BTBD8: variants seen among roughly 807,000 people sequenced by gnomAD.
BTBD8 encodes the protein BTB domain containing 8.
A neutral mutation model predicts 162.9 loss-of-function variants in BTBD8; 110 were observed. The ratio of observed to expected loss-of-function variants is 0.68; its 90% CI spans 0.58 to 0.79. The LOEUF is 0.79. BTBD8 is among the 30% of genes least tolerant of loss of function. BTBD8 has a pLI of 0.00. For synonymous variants in BTBD8, 667 were observed against 716.1 expected (o/e 0.93, Z 1.10); for missense variants, 1,905 against 2,085.4 (o/e 0.91, Z 1.68).
intron 9 of BTBD8, among the ~76,000 whole-genome samples, chr1:92,163,211 C>T (rs946104368): frequency 1.1e-4 from 16 of 151,412 alleles, no homozygotes; most frequent in South Asian, 8.4e-4. Context: ...AAAAATTATC[C>T]GGGTGTGGTG....
chr1:92,157,689 G>A (rs1216395973), intron 9 of BTBD8, among the ~76,000 whole-genome samples: 2 of 151,738 alleles, frequency 1.3e-5, no homozygotes, highest in African/African-American at 4.8e-5. Flanking sequence ...GTAGGGATAG[G>A]GTCTTGCTGT....
At chr1:92,166,094 A>G (rs1400548722) in intron 9 of BTBD8, among the ~76,000 whole-genome samples, 1 of 152,152 alleles carries the variant, frequency 6.6e-6, no homozygotes, top group East Asian at 1.9e-4. Flanking sequence ...TCCATTTTCC[A>G]TAGAGATCAA....
intron 4 of BTBD8, among the ~76,000 whole-genome samples, chr1:92,118,094 T>C (rs749034372): frequency 2.0e-5 from 3 of 151,952 alleles, no homozygotes; most frequent in Non-Finnish European, 4.4e-5. Flanking sequence ...TAACATCTTA[T>C]AGTACATTTG....
intron 4 of BTBD8, among the ~76,000 whole-genome samples, chr1:92,111,351 C>T (rs373734835): frequency 9.9e-5 from 15 of 152,106 alleles, no homozygotes; most frequent in African/African-American, 3.6e-4. Flanking sequence ...TCCAGAATAC[C>T]TTTCTTATCA....
intron 2 of BTBD8, 63 bp from the exon 3 acceptor site, chr1:92,102,410 G>A: frequency 8.5e-7 from 1 of 1,172,012 alleles, no homozygotes; most frequent in Non-Finnish European, 1.1e-6. Flanking sequence ...AAGGAAACTA[G>A]CATTCTTTCT....
In BTBD8 at chr1:92,181,411, A is replaced by C. The variant is rs992824783; in HGVS notation, c.3728A>C (p.His1243Pro). The C allele has an allele frequency of 2.6e-6, 4 of 1,551,584 alleles. No individual in the cohort carries two copies. In the African/African-American group the frequency reaches 5.5e-5, roughly 21 times the overall value. The change falls in exon 17 of 18, where the codon CAT becomes CCT. Residue 1243 changes from histidine to proline, a missense_variant. Physicochemically the swap from His to Pro is moderately conservative, Grantham distance 77 (BLOSUM62 -2). Coordinates refer to ENST00000636805, the MANE Select transcript of BTBD8 (RefSeq NM_001376131.1). ...TGGAATTTGAGTACTGGTGTTCTGC[A>C]TCAGCGAGAGAGTCCTGAATCTGAC... ...GHWNLSTGVL[H>P]QRESPESDTG...
chr1:92,158,196 C>A (rs1650204241), intron 9 of BTBD8, among the ~76,000 whole-genome samples: 1 of 152,048 alleles, frequency 6.6e-6, no homozygotes, highest in South Asian at 2.1e-4. Context: ...CTTAGCTACT[C>A]TGTCTTTTGA....
intron 9 of BTBD8, among the ~76,000 whole-genome samples, chr1:92,165,602 G>A (rs369440532): frequency 2.0e-5 from 3 of 152,162 alleles, no homozygotes; most frequent in East Asian, 3.9e-4. Context: ...CTATTGCTGT[G>A]TAACAAACCA....
chr1:92,136,137 T>TTTAA (rs944626762), intron 5 of BTBD8, among the ~76,000 whole-genome samples: 1 of 152,188 alleles, frequency 6.6e-6, no homozygotes, highest in Non-Finnish European at 1.5e-5. Flanking sequence ...TAAATATTTA[T>TTTAA]TTAATTAATG....
chr1:92,124,216 T>C (rs116208970), intron 4 of BTBD8, among the ~76,000 whole-genome samples: 7 of 152,386 alleles, frequency 4.6e-5, no homozygotes, highest in Non-Finnish European at 8.8e-5. Flanking sequence ...GTAACTTTTC[T>C]AATCACTGTG....
At chr1:92,093,064 C>T (rs1648356858) in intron 2 of BTBD8, among the ~76,000 whole-genome samples, 1 of 151,972 alleles carries the variant, frequency 6.6e-6, no homozygotes, top group African/African-American at 2.4e-5. Context: ...ACCTTGGCTA[C>T]CTGTGTTCAT....
chr1:92,088,223 A>T (rs1479769716), intron 1 of BTBD8, among the ~76,000 whole-genome samples: 1 of 152,164 alleles, frequency 6.6e-6, no homozygotes. Context: ...TTCTAACCTG[A>T]ATTTTCTACT....
chr1:92,144,594 G>A (rs572568366), intron 7 of BTBD8, among the ~76,000 whole-genome samples: 134 of 151,760 alleles, frequency 8.8e-4, no homozygotes, highest in African/African-American at 3.0e-3. Context: ...GATTGCTTGA[G>A]CCCAAGAGTT....
chr1:92,133,631 T>C (rs1398339198), intron 5 of BTBD8, among the ~76,000 whole-genome samples: 1 of 152,204 alleles, frequency 6.6e-6, no homozygotes, highest in Non-Finnish European at 1.5e-5. Flanking sequence ...ACATAGTATT[T>C]TTCAAGAGGA....
intron 7 of BTBD8, among the ~76,000 whole-genome samples, 172 bp from the exon 8 acceptor site, chr1:92,147,008 G>C (rs1365837548): frequency 6.6e-6 from 1 of 152,122 alleles, no homozygotes; most frequent in Non-Finnish European, 1.5e-5. Context: ...ACCAGCAGAA[G>C]TTAATTCCAG....
At chr1:92,174,845 C>T (rs1210735895) in intron 13 of BTBD8, among the ~76,000 whole-genome samples, 1 of 152,124 alleles carries the variant, frequency 6.6e-6, no homozygotes, top group East Asian at 1.9e-4. Flanking sequence ...GTTGTTTTAT[C>T]ACCGTGCTTT....
In BTBD8 at chr1:92,166,953, C is replaced by T; in HGVS notation, c.1123-5C>T. On this transcript the variant is annotated splice_polypyrimidine_tract_variant and splice_region_variant and intron_variant, in intron 9 of 17. Transcript: ENST00000636805. Reference sequence around the variant, plus strand: ...CTAACTTTCCAATTTTTTTTTAAATCTAAGAATGATAAGAATGCTGCTTTT... The same window carrying T: ...CTAACTTTCCAATTTTTTTTTAAATTTAAGAATGATAAGAATGCTGCTTTT... The T allele has an allele frequency of 6.5e-7, 1 of 1,531,658 alleles. No homozygotes were observed. Among genetic ancestry groups the T allele is most frequent in the Admixed American group, 2.1e-5 (1 of 47,450 alleles). 94.9% of individuals were successfully genotyped at this position (1,531,658 alleles called of 1,614,324 possible).
chr1:92,176,073 T>C (rs1007129232), intron 13 of BTBD8, among the ~76,000 whole-genome samples: 2 of 152,174 alleles, frequency 1.3e-5, no homozygotes, highest in African/African-American at 4.8e-5. Context: ...TTTGCAGATG[T>C]AGTGTATTGA....
At chr1:92,167,217 G>T (rs1650407028) in intron 10 of BTBD8, 77 bp downstream of exon 10, 5 of 1,489,576 alleles carry the variant, frequency 3.4e-6, no homozygotes, top group Non-Finnish European at 3.6e-6. Flanking sequence ...GCTTTTAAAT[G>T]CAGGTTGCTT....
Sources: allele counts gnomAD v4.1 joint callset (sites outside exome capture counted in the v4.1 genomes callset), GRCh38; gene constraint gnomAD v4.1.1; transcripts MANE v1.5; gene names NCBI Gene and HGNC (gene_info 2026-07-23, HGNC 2026-07-21).